EBF2: variants seen among roughly 807,000 people sequenced by gnomAD.
EBF2 encodes EBF transcription factor 2, also known as transcription factor COE2.
In EBF2, 21 loss-of-function variants were observed where a neutral mutation model predicts 72.8. That is an observed-to-expected ratio of 0.29 (90% CI 0.20 to 0.42). The LOEUF (loss-of-function observed/expected upper bound fraction) is 0.42, where lower values mean the gene tolerates loss of function less well. Ranked by LOEUF, EBF2 falls within the 10% of genes least tolerant of loss-of-function variation. EBF2 has a pLI of 1.00. For synonymous variants in EBF2, 299 were observed against 274.2 expected (o/e 1.09, Z -0.89); for missense variants, 637 against 731.2 (o/e 0.87, Z 1.49).
At chr8:25,895,882 T>C (rs1802856490) in intron 7 of EBF2, among the ~76,000 whole-genome samples, 1 of 152,104 alleles carries the variant, frequency 6.6e-6, no homozygotes, top group Non-Finnish European at 1.5e-5. Flanking sequence ...TTTATAGCCC[T>C]TCTCTAAAAT....
At chr8:25,885,856 G>A (rs1802681370) in intron 10 of EBF2, among the ~76,000 whole-genome samples, 1 of 152,146 alleles carries the variant, frequency 6.6e-6, no homozygotes, top group Non-Finnish European at 1.5e-5. Flanking sequence ...TTTATCAGCA[G>A]CATGAAAACG....
chr8:26,004,323 A>G (rs1804790909), intron 6 of EBF2, among the ~76,000 whole-genome samples: 1 of 152,210 alleles, frequency 6.6e-6, no homozygotes, highest in Non-Finnish European at 1.5e-5. Flanking sequence ...ATCATGATTT[A>G]CATTGATGCC....
In EBF2 at chr8:25,985,175, G is replaced by A. The variant is rs1804428634; in HGVS notation, c.551+47910C>T. 2.0e-5 allele frequency among the ~76,000 whole-genome samples: 3 copies of A among 152,152 alleles called. No individual in the cohort carries two copies. In the South Asian group the frequency reaches 6.2e-4, roughly 32 times the overall value. On this transcript the variant is annotated intron_variant, in intron 6 of 15. Coordinates refer to ENST00000520164, the MANE Select transcript of EBF2 (RefSeq NM_022659.4). ...CTCCAACGTCTCAAAGCCCTCCAGG[G>A]CTCCATGCAGCTAGACCTCCCCTCA...
chr8:25,869,382 C>T (rs954944795), intron 10 of EBF2, among the ~76,000 whole-genome samples: 1 of 152,128 alleles, frequency 6.6e-6, no homozygotes, highest in Non-Finnish European at 1.5e-5. Flanking sequence ...CCTTGCCCTG[C>T]TGCTCTTTCC....
rs141146007 is a variant in EBF2 at position 26,004,329 on chromosome 8, A to C, written c.551+28756T>G. 4.9e-3 allele frequency among the ~76,000 whole-genome samples: 749 copies of C among 152,286 alleles called. 4 individuals carry two copies. Among genetic ancestry groups the C allele is most frequent in the Non-Finnish European group, 7.5e-3 (511 of 68,022 alleles). On this transcript the variant is annotated intron_variant, in intron 6 of 15. Coordinates refer to ENST00000520164, the MANE Select transcript of EBF2 (RefSeq NM_022659.4). ...GTAGAATGTATCATGATTTACATTG[A>C]TGCCCAACTTCCAAATTGTACTCAA...
chr8:26,039,281 G>A (rs1235018071), intron 5 of EBF2, among the ~76,000 whole-genome samples: 1 of 152,096 alleles, frequency 6.6e-6, no homozygotes, highest in Non-Finnish European at 1.5e-5. Context: ...AGGACTCAAG[G>A]TGGAATGGAT....
chr8:25,908,498 G>A lies in EBF2; in HGVS notation c.609C>T (p.Asn203=), dbSNP rs1376183439. The part of the protein sequence containing the change: ...CNQNCLKTAG[N]PRDMRRFQVV... ...CCTGAAACCGTCTCATGTCCCTTGG[G>A]TTTCCTGCTGTTTTCAAACAATTCT... is the stretch of plus-strand genomic sequence containing the variant. Residue 203 remains asparagine (N), a synonymous_variant, in exon 7 of 16, where the codon AAC becomes AAT. Transcript: ENST00000520164. The A allele has an allele frequency of 1.9e-6, 3 of 1,613,784 alleles. No homozygotes were observed. Among genetic ancestry groups the A allele is most frequent in the Admixed American group, 1.7e-5 (1 of 60,010 alleles).
At chr8:26,013,986 C>G (rs1805068502) in intron 6 of EBF2, among the ~76,000 whole-genome samples, 1 of 152,244 alleles carries the variant, frequency 6.6e-6, no homozygotes, top group Admixed American at 6.5e-5. Context: ...CCAAGCTCTT[C>G]CAAAAGAGTC....
Position 25,844,456 on chromosome 8 carries a change from G to A in EBF2, c.*153C>T. 2.6e-6 allele frequency: 2 copies of A among 770,488 alleles called. No individual in the cohort carries two copies. The highest frequency in any genetic ancestry group is 1.7e-5 in the South Asian group (1 of 59,208). 47.7% of individuals were successfully genotyped at this position (770,488 alleles called of 1,614,324 possible). A position where few individuals can be genotyped will look rare whatever the true frequency, so the allele number is the denominator to read the frequency against. Reference sequence around the variant, plus strand: ...ACCATCAGAGCTATAGGAGGACGTGGGACCAAGTAAGATGCTGGCTCCTTG... The same window carrying A: ...ACCATCAGAGCTATAGGAGGACGTGAGACCAAGTAAGATGCTGGCTCCTTG... On this transcript the variant is annotated 3_prime_UTR_variant, in exon 16 of 16. Coordinates refer to ENST00000520164, the MANE Select transcript of EBF2 (RefSeq NM_022659.4).
chr8:25,897,625 T>A (rs1802881294), intron 7 of EBF2, among the ~76,000 whole-genome samples: 1 of 152,252 alleles, frequency 6.6e-6, no homozygotes, highest in Admixed American at 6.5e-5. Context: ...TATTTGGTTT[T>A]CTGTTCCTAC....
chr8:26,044,601 G>C lies in EBF2; in HGVS notation c.131+128C>G, dbSNP rs4872388. The stretch of plus-strand genomic sequence containing the variant: ...CTTGCCCGAGGGCGAGCCCCAGCGC[G>C]CAGGGCCTGGGCGACAGATGGGGGG... On this transcript the variant is annotated intron_variant, in intron 1 of 15. Coordinates refer to ENST00000520164, the MANE Select transcript of EBF2 (RefSeq NM_022659.4). The surrounding 1 kb of genome is among the most constrained non-coding windows in gnomAD (Gnocchi z 4.1). 2.9e-6 allele frequency: 4 copies of C among 1,374,870 alleles called. No individual in the cohort carries two copies. Among genetic ancestry groups the C allele is most frequent in the Non-Finnish European group, 3.9e-6 (4 of 1,014,206 alleles). The allele number at this position is 1,374,870 out of a possible 1,614,324, so 85.2% of individuals were successfully genotyped here. A position where few individuals can be genotyped will look rare whatever the true frequency, so the allele number is the denominator to read the frequency against.
At chr8:25,971,877 C>G (rs1197236002) in intron 6 of EBF2, among the ~76,000 whole-genome samples, 1 of 152,182 alleles carries the variant, frequency 6.6e-6, no homozygotes, top group Admixed American at 6.5e-5. Context: ...GGAGTCTGCT[C>G]TACAGCTCGA....
At chr8:26,037,271 G>C (rs762863437) in intron 5 of EBF2, among the ~76,000 whole-genome samples, 1 of 152,140 alleles carries the variant, frequency 6.6e-6, no homozygotes, top group Admixed American at 6.6e-5. Flanking sequence ...AAGATGGCTG[G>C]GGAAGGGGAA....
chr8:25,962,844 A>G (rs1321655715), intron 6 of EBF2, among the ~76,000 whole-genome samples: 1 of 152,200 alleles, frequency 6.6e-6, no homozygotes, highest in African/African-American at 2.4e-5. Context: ...ATTAGTCAGA[A>G]TCAATACATT....
intron 6 of EBF2, among the ~76,000 whole-genome samples, chr8:25,989,664 T>C (rs1036097432): frequency 6.6e-6 from 1 of 152,226 alleles, no homozygotes; most frequent in African/African-American, 2.4e-5. Context: ...TTTAAATTTC[T>C]GACCCTGTCT....
intron 6 of EBF2, among the ~76,000 whole-genome samples, chr8:25,939,281 T>C (rs557165331): frequency 6.6e-5 from 10 of 152,348 alleles, no homozygotes; most frequent in African/African-American, 2.2e-4. Flanking sequence ...TGTTTACATA[T>C]AATCTATTTT....
At chr8:25,903,429 C>T (rs1802988112) in intron 7 of EBF2, among the ~76,000 whole-genome samples, 1 of 152,064 alleles carries the variant, frequency 6.6e-6, no homozygotes, top group African/African-American at 2.4e-5. Flanking sequence ...GGCGCGGTGG[C>T]TCACGCCTGT....
intron 6 of EBF2, among the ~76,000 whole-genome samples, chr8:25,966,868 C>T (rs2117184547): frequency 6.6e-6 from 1 of 152,316 alleles, no homozygotes; most frequent in East Asian, 1.9e-4. Flanking sequence ...CCACAACAAG[C>T]TGTGGTGCCC....
chr8:25,861,010 T>G (rs758841530), intron 13 of EBF2, 39 bp downstream of exon 13: 1 of 1,613,162 alleles, frequency 6.2e-7, no homozygotes, highest in Non-Finnish European at 8.5e-7. Context: ...ACTTTTTAAA[T>G]TAGACATATT....
Sources: gnomAD v4.1 joint callset for allele counts (sites outside exome capture counted in the v4.1 genomes callset) on GRCh38, gnomAD v4.1.1 for gene constraint, Gnocchi (gnomAD v3.1) non-coding constraint, MANE v1.5 for transcripts, NCBI Gene and HGNC (gene_info 2026-07-23, HGNC 2026-07-21) for gene names.